The following SPATA17 variants were observed in gnomAD, a reference collection of about 807,000 sequenced individuals.
SPATA17 encodes the protein spermatogenesis associated 17, also known as spermatogenesis-associated protein 17.
In SPATA17, 53 loss-of-function variants were observed where a neutral mutation model predicts 62.2. The ratio of observed to expected loss-of-function variants is 0.85; its 90% CI spans 0.68 to 1.07. SPATA17 has a LOEUF of 1.07. Among genes scored for constraint, SPATA17 ranks in the 50% least tolerant of loss-of-function variants. The probability of loss-of-function intolerance (pLI) is 0.00; values close to 1 mark genes in which losing one functional copy is unlikely to be tolerated. For synonymous variants in SPATA17, 146 were observed against 146.8 expected (o/e 0.99, Z 0.04); for missense variants, 466 against 425.5 (o/e 1.10, Z -0.84).
At chr1:217,846,401 C>G (rs1451198115) in intron 9 of SPATA17, among the ~76,000 whole-genome samples, 1 of 152,028 alleles carries the variant, frequency 6.6e-6, no homozygotes, top group Non-Finnish European at 1.5e-5. Flanking sequence ...TGAAACAATT[C>G]TTACATGTCT....
intron 4 of SPATA17, among the ~76,000 whole-genome samples, chr1:217,677,508 T>C (rs1219629538): frequency 6.6e-6 from 1 of 152,042 alleles, no homozygotes; most frequent in Non-Finnish European, 1.5e-5. Context: ...ACGGAAGGTC[T>C]TTTATATGCT....
intron 1 of SPATA17, among the ~76,000 whole-genome samples, 162 bp downstream of exon 1, chr1:217,631,608 T>C (rs1204383833): frequency 6.6e-6 from 1 of 152,198 alleles, no homozygotes; most frequent in East Asian, 1.9e-4. Flanking sequence ...GAGTTTCTGT[T>C]ACCATACAAC....
intron 5 of SPATA17, among the ~76,000 whole-genome samples, chr1:217,703,172 G>C (rs1368872751): frequency 9.5e-6 from 1 of 105,312 alleles, no homozygotes; most frequent in East Asian, 2.3e-4. Context: ...ATTGCGCTCG[G>C]CCTTTTTTTT....
intron 3 of SPATA17, among the ~76,000 whole-genome samples, chr1:217,657,358 C>G (rs543702354): frequency 6.6e-6 from 1 of 152,186 alleles, no homozygotes; most frequent in Non-Finnish European, 1.5e-5. Context: ...TTCTTTTACA[C>G]CTCACACTGC....
chr1:217,732,948 A>G (rs558871880), intron 5 of SPATA17, among the ~76,000 whole-genome samples: 1 of 152,304 alleles, frequency 6.6e-6, no homozygotes, highest in Non-Finnish European at 1.5e-5. Context: ...AAATATGTGC[A>G]TATTTTTAGA....
chr1:217,740,314 A>C (rs942994512), intron 5 of SPATA17, among the ~76,000 whole-genome samples: 1 of 151,958 alleles, frequency 6.6e-6, no homozygotes, highest in Non-Finnish European at 1.5e-5. Context: ...CTGAGTAATT[A>C]TCTTTATAGT....
intron 5 of SPATA17, among the ~76,000 whole-genome samples, chr1:217,707,092 C>G (rs1671754067): frequency 6.6e-6 from 1 of 152,114 alleles, no homozygotes; most frequent in Non-Finnish European, 1.5e-5. Flanking sequence ...GTCTTGAACT[C>G]CTGACCTCGT....
At chr1:217,742,213 T>A in intron 6 of SPATA17, 115 bp downstream of exon 6, 1 of 1,328,418 alleles carries the variant, frequency 7.5e-7, no homozygotes, top group Non-Finnish European at 1.0e-6. Context: ...ACAAAGACAC[T>A]ACTTCGAGTT....
intron 8 of SPATA17, among the ~76,000 whole-genome samples, chr1:217,794,115 CAAAAAA>C (rs376080845): frequency 3.7e-5 from 2 of 54,732 alleles, no homozygotes; most frequent in Non-Finnish European, 7.5e-5. Flanking sequence ...GACTCCGTCA[CAAAAAA>C]AAAAAAAAAA....
chr1:217,808,251 C>A lies in SPATA17; in HGVS notation c.1005+6401C>A, dbSNP rs1452856368. Among the ~76,000 whole-genome samples the A allele has an allele frequency of 2.0e-5, 3 of 152,024 alleles. No homozygotes were observed. The East Asian group carries it at 5.8e-4, about 29-fold the overall frequency. On this transcript the variant is annotated intron_variant, in intron 9 of 10. Transcript: ENST00000366933. ...CAGGTGGGAAAGGCAAAGAGAAGGGCAGAATGTGCCCCTGCATTTTAACCT... is the reference window on the plus strand; with the variant it reads ...CAGGTGGGAAAGGCAAAGAGAAGGGAAGAATGTGCCCCTGCATTTTAACCT...
intron 9 of SPATA17, among the ~76,000 whole-genome samples, chr1:217,841,116 A>G (rs569397496): frequency 5.3e-5 from 8 of 152,092 alleles, no homozygotes; most frequent in Admixed American, 5.2e-4. Context: ...AAAATGTTTC[A>G]CTTAACCATG....
rs757414028 is a variant in SPATA17 at position 217,682,875 on chromosome 1, C to G, written c.292-383C>G. On this transcript the variant is annotated intron_variant, in intron 4 of 10. Transcript: ENST00000366933. ...AATAAGACAAAATACAAAAACTAAA[C>G]GTATATTTCAATGAGACCAAATACA... Among the ~76,000 whole-genome samples the G allele has an allele frequency of 1.3e-4, 20 of 151,382 alleles. 1 individual carries two copies. Among genetic ancestry groups the G allele is most frequent in the Non-Finnish European group, 2.5e-4 (17 of 67,866 alleles).
intron 6 of SPATA17, among the ~76,000 whole-genome samples, chr1:217,760,844 A>T (rs549846671): frequency 1.3e-5 from 2 of 152,242 alleles, no homozygotes; most frequent in Non-Finnish European, 2.9e-5. Context: ...CCTGTAGAAG[A>T]ATCCAAGTAA....
chr1:217,652,795 C>T (rs1431477333), intron 3 of SPATA17, among the ~76,000 whole-genome samples: 1 of 152,142 alleles, frequency 6.6e-6, no homozygotes, highest in Non-Finnish European at 1.5e-5. Flanking sequence ...AGAAAGAGGA[C>T]AGGCTTTAGA....
Position 217,696,264 on chromosome 1 carries a change from G to A in SPATA17, c.395+12903G>A, listed in dbSNP as rs139628944. Among the ~76,000 whole-genome samples the A allele has an allele frequency of 7.3e-3, 1,112 of 152,276 alleles. 9 individuals are homozygous for A. Among genetic ancestry groups the A allele is most frequent in the African/African-American group, 0.022 (915 of 41,556 alleles). ...GGGAGTGACCCGATTTTCCAGGTGC[G>A]TCCGTCACCCCTTTCTTTGACTCCG... On this transcript the variant is annotated intron_variant, in intron 5 of 10. Transcript: ENST00000366933.
At chr1:217,728,061 T>G (rs1252362623) in intron 5 of SPATA17, among the ~76,000 whole-genome samples, 1 of 152,214 alleles carries the variant, frequency 6.6e-6, no homozygotes, top group Non-Finnish European at 1.5e-5. Flanking sequence ...TATCTAATAC[T>G]GTCTTGCATT....
intron 9 of SPATA17, among the ~76,000 whole-genome samples, chr1:217,836,191 C>T (rs887958711): frequency 3.3e-5 from 5 of 152,098 alleles, no homozygotes; most frequent in African/African-American, 1.2e-4. Context: ...AAGAATCTGT[C>T]GGGCAGTTAT....
intron 5 of SPATA17, among the ~76,000 whole-genome samples, chr1:217,704,858 C>G (rs565631134): frequency 6.6e-6 from 1 of 152,110 alleles, no homozygotes; most frequent in Non-Finnish European, 1.5e-5. Context: ...GGTACTGAGA[C>G]GAACAGACAT....
intron 7 of SPATA17, among the ~76,000 whole-genome samples, chr1:217,775,871 A>C (rs1183052509): frequency 1.3e-5 from 2 of 152,140 alleles, no homozygotes; most frequent in African/African-American, 2.4e-5. Context: ...CTTTGGCATT[A>C]AATCTTGTTA....
Sources: allele counts gnomAD v4.1 joint callset (sites outside exome capture counted in the v4.1 genomes callset), GRCh38; gene constraint gnomAD v4.1.1; transcripts MANE v1.5; gene names NCBI Gene and HGNC (gene_info 2026-07-23, HGNC 2026-07-21).